The following ALG14 variants were observed in gnomAD, a reference collection of about 807,000 sequenced individuals.
The protein encoded by ALG14 is ALG14 UDP-N-acetylglucosaminyltransferase subunit, also known as UDP-N-acetylglucosamine transferase subunit ALG14.
ALG14 carries 17 observed loss-of-function variants against 22.8 expected under a neutral mutation model. The ratio of observed to expected loss-of-function variants is 0.75; its 90% confidence interval spans 0.51 to 1.12. The LOEUF is 1.12. ALG14 is among the 50% of genes most tolerant of loss of function. The pLI, the probability that ALG14 is intolerant of heterozygous loss-of-function variation, is 0.00. For synonymous variants in ALG14, 89 were observed against 103.7 expected (o/e 0.86, Z 0.86); for missense variants, 288 against 271.8 (o/e 1.06, Z -0.42).
intron 2 of ALG14, among the ~76,000 whole-genome samples, chr1:95,060,360 A>C (rs1675101902): frequency 6.6e-6 from 1 of 151,024 alleles, no homozygotes. Flanking sequence ...AGTAAAAGGA[A>C]GTTGAACAGA....
intron 2 of ALG14, among the ~76,000 whole-genome samples, chr1:95,056,635 A>C (rs1344390891): frequency 6.6e-6 from 1 of 151,976 alleles, no homozygotes; most frequent in African/African-American, 2.4e-5. Context: ...AGAGTGAGAC[A>C]CTGTCTCAAA....
In ALG14 at chr1:94,981,916, C is replaced by T. The variant is rs576928517; in HGVS notation, c.*1160G>A. The stretch of plus-strand genomic sequence containing the variant: ...AATATTCAGAAGTTCAAGAGAGTCA[C>T]AGCAGAACATTAAACCAAGTGGAGG... On this transcript the variant is annotated 3_prime_UTR_variant, in exon 4 of 4. Transcript: ENST00000370205. 6.6e-6 allele frequency: 1 copy of T among 152,170 alleles called. No homozygotes were observed. Among genetic ancestry groups the T allele is most frequent in the Admixed American group, 6.5e-5 (1 of 15,294 alleles). 9.4% of individuals were successfully genotyped at this position (152,170 alleles called of 1,614,324 possible). A position where few individuals can be genotyped will look rare whatever the true frequency, so the allele number is the denominator to read the frequency against.
At chr1:95,048,157 G>T (rs1015469229) in intron 2 of ALG14, among the ~76,000 whole-genome samples, 1 of 152,030 alleles carries the variant, frequency 6.6e-6, no homozygotes, top group African/African-American at 2.4e-5. Flanking sequence ...TGTATTTTTT[G>T]ATTGAATTAG....
rs201743892 is a variant in ALG14, at chr1:95,055,535, A to AAG, written c.288+9329_288+9330dup. On this transcript the variant is annotated intron_variant, in intron 2 of 3. Coordinates refer to ENST00000370205, the MANE Select transcript of ALG14 (RefSeq NM_144988.4). ...AAGCATTAAGGAGATCTAAACAATG[A>AAG]AGAGAGAGAGAGATGAAGTTTCTGG... 1.4e-3 allele frequency among the ~76,000 whole-genome samples: 214 copies of AAG among 152,098 alleles called. 1 individual carries two copies. In the East Asian group the frequency reaches 0.029, roughly 20 times the overall value.
At chr1:94,984,655 C>T (rs1396967759) in intron 3 of ALG14, among the ~76,000 whole-genome samples, 1 of 152,212 alleles carries the variant, frequency 6.6e-6, no homozygotes, top group Non-Finnish European at 1.5e-5. Flanking sequence ...AGCTGCTGTC[C>T]AGACTGGTCT....
At chr1:94,995,136 GTTCT>G (rs1316330297) in intron 3 of ALG14, among the ~76,000 whole-genome samples, 17 of 152,108 alleles carry the variant, frequency 1.1e-4, no homozygotes, top group African/African-American at 2.2e-4. Flanking sequence ...GGTCAACAGT[GTTCT>G]TTATTTTATG....
At chr1:95,000,535 TAAAAAAAAAAAAA>T (rs71588535) in intron 3 of ALG14, among the ~76,000 whole-genome samples, 3 of 70,618 alleles carry the variant, frequency 4.2e-5, no homozygotes, top group Non-Finnish European at 7.8e-5. Context: ...GACCCTGTCC[TAAAAAAAAAAAAA>T]AAAAAAAAAA....
intron 1 of ALG14, among the ~76,000 whole-genome samples, chr1:95,068,895 C>T (rs1357252331): frequency 6.6e-6 from 1 of 152,094 alleles, no homozygotes; most frequent in Non-Finnish European, 1.5e-5. Flanking sequence ...AGTCAGAAAC[C>T]TGGAAATCAC....
rs1478759528 is a variant in ALG14, at chr1:94,978,618, C to A, written c.*4458G>T. 1 of 152,088 alleles carries A rather than the reference C, an allele frequency of 6.6e-6. No individual in the cohort carries two copies. The highest frequency in any genetic ancestry group is 1.5e-5 in the Non-Finnish European group (1 of 68,020). 9.4% of individuals were successfully genotyped at this position (152,088 alleles called of 1,614,324 possible). On this transcript the variant is annotated 3_prime_UTR_variant, in exon 4 of 4. Transcript: ENST00000370205. ...GAGTTATTTAGAGAATTTGCTCAAG[C>A]TAAATGAAGACAAAGACTTTGTGGG... is the stretch of plus-strand genomic sequence containing the variant.
At chr1:94,995,668 C>T (rs1478685076) in intron 3 of ALG14, among the ~76,000 whole-genome samples, 4 of 152,176 alleles carry the variant, frequency 2.6e-5, no homozygotes, top group South Asian at 2.1e-4. Flanking sequence ...GAGCTGAGAT[C>T]GTGCCATTGC....
Position 94,982,662 on chromosome 1 carries a change from T to G in ALG14, c.*414A>C, listed in dbSNP as rs1275511422. 6.6e-6 allele frequency: 1 copy of G among 152,528 alleles called. No homozygotes were observed. The highest frequency in any genetic ancestry group is 1.4e-5 in the Non-Finnish European group (1 of 70,630). The allele number at this position is 152,528 out of a possible 1,614,324, so 9.4% of individuals were successfully genotyped here. A position where few individuals can be genotyped will look rare whatever the true frequency, so the allele number is the denominator to read the frequency against. ...TATCTGAACCAAAACTCAGAAATACTTTTTTTCTCTCTTCTTTTACAATGC... is the reference window on the plus strand; with the variant it reads ...TATCTGAACCAAAACTCAGAAATACGTTTTTTCTCTCTTCTTTTACAATGC... On this transcript the variant is annotated 3_prime_UTR_variant, in exon 4 of 4. Transcript: ENST00000370205.
At chr1:95,012,195 A>G (rs925299864) in intron 3 of ALG14, among the ~76,000 whole-genome samples, 1 of 152,196 alleles carries the variant, frequency 6.6e-6, no homozygotes, top group Non-Finnish European at 1.5e-5. Context: ...CTTTTTCTTT[A>G]TAAATTACGC....
chr1:94,998,504 T>C (rs1173738557), intron 3 of ALG14, among the ~76,000 whole-genome samples: 1 of 152,236 alleles, frequency 6.6e-6, no homozygotes, highest in Non-Finnish European at 1.5e-5. Context: ...CTAAAATCCA[T>C]GTTAAAATTC....
At chr1:95,020,780 T>A (rs562268591) in intron 3 of ALG14, among the ~76,000 whole-genome samples, 1 of 150,664 alleles carries the variant, frequency 6.6e-6, no homozygotes, top group East Asian at 1.9e-4. Context: ...AAACTCTAAG[T>A]GGTTCTACAA....
intron 2 of ALG14, among the ~76,000 whole-genome samples, chr1:95,051,360 A>G (rs954684401): frequency 2.0e-5 from 3 of 152,118 alleles, no homozygotes; most frequent in African/African-American, 7.2e-5. Flanking sequence ...ACTTCAAAAT[A>G]TATTGAGAAT....
chr1:94,989,046 G>A (rs575139391), intron 3 of ALG14, among the ~76,000 whole-genome samples: 8 of 152,074 alleles, frequency 5.3e-5, no homozygotes, highest in South Asian at 2.1e-4. Context: ...AAAAACTCAC[G>A]GTTTTTAATG....
At chr1:95,057,055 C>CAA (rs199574536) in intron 2 of ALG14, among the ~76,000 whole-genome samples, 13,862 of 100,352 alleles carry the variant, frequency 0.14, 982 homozygotes, top group Middle Eastern at 0.18. Context: ...GATTCTGGCT[C>CAA]AAAAAAAAAA....
intron 2 of ALG14, among the ~76,000 whole-genome samples, chr1:95,048,880 T>G (rs1015385552): frequency 1.3e-5 from 2 of 152,112 alleles, no homozygotes; most frequent in Admixed American, 6.6e-5. Flanking sequence ...AAAAGCTACT[T>G]AAACTACTCA....
intron 2 of ALG14, among the ~76,000 whole-genome samples, chr1:95,032,492 A>G (rs1458178641): frequency 6.6e-6 from 1 of 152,192 alleles, no homozygotes; most frequent in East Asian, 1.9e-4. Context: ...CAAAGGAATC[A>G]AAGACAAATG....
Sources: gnomAD v4.1 joint callset for allele counts (sites outside exome capture counted in the v4.1 genomes callset) on GRCh38, gnomAD v4.1.1 for gene constraint, MANE v1.5 for transcripts, NCBI Gene and HGNC (gene_info 2026-07-23, HGNC 2026-07-21) for gene names.